TMEM232: variants seen among roughly 807,000 people sequenced by gnomAD.
The protein encoded by TMEM232 is transmembrane protein 232.
Under a neutral mutation model 78.8 loss-of-function variants are expected in TMEM232, and 80 were observed. That is an observed-to-expected ratio of 1.01 (90% confidence interval 0.85 to 1.22). The LOEUF is 1.22. TMEM232 is among the 50% of genes most tolerant of loss of function. The probability of loss-of-function intolerance (pLI) is 0.00; values close to 1 mark genes in which losing one functional copy is unlikely to be tolerated. For synonymous variants in TMEM232, 297 were observed against 254.3 expected (o/e 1.17, Z -1.60); for missense variants, 881 against 742.2 (o/e 1.19, Z -2.17).
At chr5:110,574,032 CT>C (rs199674654) in intron 10 of TMEM232, among the ~76,000 whole-genome samples, 5 of 150,736 alleles carry the variant, frequency 3.3e-5, no homozygotes, top group African/African-American at 7.3e-5. Context: ...ACTATCATGG[CT>C]TTTTTTTTCA....
rs544637177 is a variant in TMEM232 at position 110,698,444 on chromosome 5, T to TA, written c.-13+28182dup. 8.3e-4 allele frequency among the ~76,000 whole-genome samples: 126 copies of TA among 151,160 alleles called. 1 individual carries two copies. Among genetic ancestry groups the TA allele is most frequent in the African/African-American group, 2.6e-3 (109 of 41,224 alleles). ...AAAACTTAAAGTATAATAATAAAATTAAAAAAAAATGTCTTTAAGGTATAA... is the reference window on the plus strand; with the variant it reads ...AAAACTTAAAGTATAATAATAAAATTAAAAAAAAAATGTCTTTAAGGTATAA... On this transcript the variant is annotated intron_variant, in intron 1 of 13. Coordinates refer to ENST00000455884, the MANE Select transcript of TMEM232 (RefSeq NM_001039763.4).
intron 1 of TMEM232, among the ~76,000 whole-genome samples, chr5:110,696,520 T>C (rs1223997837): frequency 6.6e-6 from 1 of 152,190 alleles, no homozygotes; most frequent in African/African-American, 2.4e-5. Context: ...ATTGTCCCTG[T>C]TTGCAGATGA....
intron 2 of TMEM232, among the ~76,000 whole-genome samples, chr5:110,648,260 A>G (rs1488137078): frequency 6.6e-6 from 1 of 152,100 alleles, no homozygotes; most frequent in Non-Finnish European, 1.5e-5. Context: ...CCAGAAATTG[A>G]AGAGAATATG....
intron 2 of TMEM232, among the ~76,000 whole-genome samples, chr5:110,647,324 C>T (rs1162157966): frequency 6.6e-6 from 1 of 151,868 alleles, no homozygotes; most frequent in African/African-American, 2.4e-5. Flanking sequence ...TGTCAGATGA[C>T]CACAGTTATA....
intron 3 of TMEM232, among the ~76,000 whole-genome samples, chr5:110,396,180 G>T (rs929426718): frequency 1.3e-5 from 2 of 152,112 alleles, no homozygotes; most frequent in African/African-American, 4.8e-5. Flanking sequence ...GAATGCAGGG[G>T]AAACTACTGC....
At chr5:110,682,402 T>C (rs1434561772) in intron 1 of TMEM232, among the ~76,000 whole-genome samples, 2 of 151,950 alleles carry the variant, frequency 1.3e-5, no homozygotes, top group South Asian at 4.1e-4. Context: ...AAAACAACAA[T>C]TATTTTAGAC....
rs1561400008 is a variant in TMEM232, at chr5:110,620,643, TCTCCTCTCTCTCTCTCCTC to T, written c.769-2100_769-2082del. On this transcript the variant is annotated intron_variant, in intron 7 of 13. Coordinates refer to ENST00000455884, the MANE Select transcript of TMEM232 (RefSeq NM_001039763.4). Reference sequence around the variant, plus strand: ...TCTCTCTCTCTCTCTCTCTCTCCTCTCTCCTCTCTCTCTCTCCTCCTCTCTCTCTCTCTCTCTCTCCCTC... The same window carrying T: ...TCTCTCTCTCTCTCTCTCTCTCCTCTCTCTCTCTCTCTCTCTCTCTCCCTC... Among the ~76,000 whole-genome samples the T allele has an allele frequency of 2.8e-3, 280 of 101,122 alleles. 4 individuals are homozygous for T. Among genetic ancestry groups the T allele is most frequent in the African/African-American group, 0.011 (255 of 22,716 alleles). 66.3% of individuals were successfully genotyped at this position (101,122 alleles called of 152,430 possible).
intron 1 of TMEM232, among the ~76,000 whole-genome samples, chr5:110,694,414 A>G (rs187790829): frequency 7.0e-4 from 107 of 152,330 alleles, no homozygotes; most frequent in African/African-American, 2.5e-3. Context: ...CAAAATGACC[A>G]GCTAACATCA....
chr5:110,622,403 G>T (rs553800273), intron 7 of TMEM232, among the ~76,000 whole-genome samples: 1 of 152,144 alleles, frequency 6.6e-6, no homozygotes, highest in African/African-American at 2.4e-5. Context: ...CTTCTCCAAA[G>T]AACTATTATT....
In TMEM232 at chr5:110,606,199, C is replaced by T. The variant is rs1265094866; in HGVS notation, c.991G>A (p.Asp331Asn). 2 of 1,548,158 alleles carry T rather than the reference C, an allele frequency of 1.3e-6. No homozygotes were observed. Among genetic ancestry groups the T allele is most frequent in the East Asian group, 2.4e-5 (1 of 40,834 alleles). The change falls in exon 9 of 14, where the codon GAT (aspartate) becomes AAT (asparagine). Residue 331 changes from aspartate (D) to asparagine (N), a missense_variant. Coordinates refer to ENST00000455884, the MANE Select transcript of TMEM232 (RefSeq NM_001039763.4). Reference sequence around the variant, plus strand: ...ACAGACATAATGCTTGAAACAAAATCTCTCACTACGTCCATTAAAGCTTTC... The same window carrying T: ...ACAGACATAATGCTTGAAACAAAATTTCTCACTACGTCCATTAAAGCTTTC... ...CLKALMDVVR[D>N]FVSSIMSVQN...
chr5:110,668,842 C>G (rs559605782), intron 1 of TMEM232, among the ~76,000 whole-genome samples: 1 of 152,296 alleles, frequency 6.6e-6, no homozygotes. Flanking sequence ...AACCGCTCAA[C>G]TGCCTGGAAA....
intron 10 of TMEM232, among the ~76,000 whole-genome samples, chr5:110,583,604 A>G (rs1581303199): frequency 6.6e-6 from 1 of 152,096 alleles, no homozygotes; most frequent in African/African-American, 2.4e-5. Flanking sequence ...CACCAAAAGC[A>G]CAGGCAACAA....
chr5:110,416,775 T>A (rs1158020180), downstream of TMEM232, among the ~76,000 whole-genome samples: 3 of 152,222 alleles, frequency 2.0e-5, no homozygotes, highest in Non-Finnish European at 2.9e-5. Context: ...TGGTGTGAGT[T>A]ATTTTTATCT....
At chr5:110,684,245 T>C (rs1793118615) in intron 1 of TMEM232, among the ~76,000 whole-genome samples, 1 of 151,888 alleles carries the variant, frequency 6.6e-6, no homozygotes, top group East Asian at 1.9e-4. Flanking sequence ...ATAAAGAATA[T>C]AAATACATGA....
intron 1 of TMEM232, among the ~76,000 whole-genome samples, chr5:110,691,336 A>T (rs767182789): frequency 2.0e-5 from 3 of 152,228 alleles, no homozygotes; most frequent in Non-Finnish European, 4.4e-5. Flanking sequence ...TAAATATTTC[A>T]AATCTCCTTT....
intron 10 of TMEM232, among the ~76,000 whole-genome samples, chr5:110,592,953 C>G (rs1439161175): frequency 2.6e-5 from 4 of 152,228 alleles, no homozygotes; most frequent in African/African-American, 9.6e-5. Flanking sequence ...GAAACTGTTG[C>G]TCACCATACA....
intron 1 of TMEM232, among the ~76,000 whole-genome samples, chr5:110,705,721 T>TAC (rs1795857177): frequency 1.3e-5 from 1 of 75,636 alleles, no homozygotes; most frequent in African/African-American, 5.1e-5. Context: ...TATATATATA[T>TAC]ATACACACAC....
intron 2 of TMEM232, among the ~76,000 whole-genome samples, chr5:110,663,146 C>T (rs892111816): frequency 2.0e-5 from 3 of 151,810 alleles, no homozygotes; most frequent in African/African-American, 7.3e-5. Flanking sequence ...CCAAAATTAA[C>T]AGAATTAATG....
intron 12 of TMEM232, among the ~76,000 whole-genome samples, chr5:110,496,588 G>A (rs1479182486): frequency 6.6e-6 from 1 of 151,950 alleles, no homozygotes; most frequent in East Asian, 1.9e-4. Flanking sequence ...GAATTTATGA[G>A]AGAAGAGAGA....
Sources: allele counts gnomAD v4.1 joint callset (sites outside exome capture counted in the v4.1 genomes callset), GRCh38; gene constraint gnomAD v4.1.1; transcripts MANE v1.5; gene names NCBI Gene and HGNC (gene_info 2026-07-23, HGNC 2026-07-21).